The following CPNE4 variants were observed in gnomAD, a reference collection of about 807,000 sequenced individuals.
CPNE4 encodes the protein copine 4.
A neutral mutation model predicts 67.9 loss-of-function variants in CPNE4; 25 were observed. The ratio of observed to expected loss-of-function variants is 0.37; its 90% CI spans 0.27 to 0.51. CPNE4 has a LOEUF of 0.51. Among genes scored for constraint, CPNE4 ranks in the 20% least tolerant of loss-of-function variants. CPNE4 has a pLI of 0.93. For missense variants in CPNE4, 464 were observed against 690.8 expected, an observed-to-expected ratio of 0.67 and a Z score of 3.68; for synonymous variants, 242 against 244.9, an observed-to-expected ratio of 0.99 and a Z score of 0.11.
intron 1 of CPNE4, among the ~76,000 whole-genome samples, chr3:131,915,722 G>C (rs536153181): frequency 1.8e-4 from 28 of 152,176 alleles, no homozygotes; most frequent in Non-Finnish European, 3.2e-4. Context: ...TATAATTTGA[G>C]ACAACGGAGA....
At chr3:131,994,284 A>C (rs1325151005) in intron 1 of CPNE4, among the ~76,000 whole-genome samples, 1 of 136,432 alleles carries the variant, frequency 7.3e-6, no homozygotes, top group Non-Finnish European at 1.7e-5. Context: ...CAAAAGTATC[A>C]GTAAGGTGAG....
intron 1 of CPNE4, among the ~76,000 whole-genome samples, chr3:131,964,030 A>G (rs1437127641): frequency 6.6e-6 from 1 of 152,134 alleles, no homozygotes; most frequent in South Asian, 2.1e-4. Context: ...GGGAAGGAGC[A>G]GGCAGCAATC....
intron 1 of CPNE4, among the ~76,000 whole-genome samples, chr3:131,987,235 T>G (rs2073074093): frequency 6.6e-6 from 1 of 152,168 alleles, no homozygotes; most frequent in South Asian, 2.1e-4. Context: ...GTAAAACCAG[T>G]GGTTGCCTCT....
intron 7 of CPNE4, among the ~76,000 whole-genome samples, chr3:131,624,338 T>C (rs1405746524): frequency 6.6e-6 from 1 of 152,184 alleles, no homozygotes; most frequent in Non-Finnish European, 1.5e-5. Flanking sequence ...TAACTGCTGA[T>C]ATCTGGGTCT....
intron 14 of CPNE4, among the ~76,000 whole-genome samples, chr3:131,545,922 C>T (rs1257309875): frequency 1.3e-5 from 2 of 151,884 alleles, no homozygotes; most frequent in African/African-American, 4.8e-5. Context: ...ATTGGCTGGG[C>T]GTGGTGGCAC....
intron 1 of CPNE4, among the ~76,000 whole-genome samples, chr3:131,963,912 C>T (rs888442828): frequency 6.6e-6 from 1 of 152,168 alleles, no homozygotes; most frequent in Admixed American, 6.5e-5. Flanking sequence ...GTCCCTGACA[C>T]CCGTGCCTCC....
At chr3:131,970,150 T>C (rs2072463295) in intron 1 of CPNE4, among the ~76,000 whole-genome samples, 2 of 152,214 alleles carry the variant, frequency 1.3e-5, no homozygotes, top group African/African-American at 2.4e-5. Context: ...AATCAGTATA[T>C]GAGCTGCCAT....
chr3:131,966,470 A>C (rs545799842), intron 1 of CPNE4, among the ~76,000 whole-genome samples: 1 of 152,220 alleles, frequency 6.6e-6, no homozygotes, highest in African/African-American at 2.4e-5. Flanking sequence ...TAGGTAGACC[A>C]CTAGCCAGAC....
chr3:131,577,631 C>G (rs56323105), intron 9 of CPNE4, among the ~76,000 whole-genome samples: 3,790 of 152,170 alleles, frequency 0.025, 83 homozygotes, highest in African/African-American at 0.064. Context: ...AGAGAAGTTA[C>G]CATGAATGGA....
chr3:131,956,966 T>C (rs1439005891), intron 1 of CPNE4, among the ~76,000 whole-genome samples: 1 of 152,364 alleles, frequency 6.6e-6, no homozygotes, highest in East Asian at 1.9e-4. Context: ...CAAAACATGT[T>C]ATAAAATATC....
Position 131,550,051 on chromosome 3 carries a change from T to C in CPNE4, c.1198A>G (p.Ser400Gly), listed in dbSNP as rs1936086851. The C allele has an allele frequency of 6.2e-7, 1 of 1,613,016 alleles. No homozygotes were observed. The highest frequency in any genetic ancestry group is 1.3e-5 in the African/African-American group (1 of 74,836). ...TAGAGTTGGAGCTTAGGAAGACAGC[T>C]CTGATAGGCTTCCACAACTCCTTGA... ...GIQGVVEAYQ[S>G]CLPKLQLYGP... Residue 400 changes from serine to glycine, a missense_variant, in exon 14 of 16, where the codon AGC becomes GGC. Physicochemically the swap from Ser to Gly is moderately conservative, Grantham distance 56. Coordinates refer to ENST00000429747, the MANE Select transcript of CPNE4 (RefSeq NM_130808.3).
At chr3:131,549,407 C>G (rs3762430) in intron 14 of CPNE4, among the ~76,000 whole-genome samples, 23,692 of 152,042 alleles carry the variant, frequency 0.16, 1,956 homozygotes, top group African/African-American at 0.21. Flanking sequence ...AATATATTTA[C>G]TTCTAAAATA....
intron 10 of CPNE4, 109 bp from the exon 11 acceptor site, chr3:131,564,458 T>C: frequency 1.1e-6 from 1 of 931,124 alleles, no homozygotes; most frequent in Non-Finnish European, 1.6e-6. Flanking sequence ...AGTAGCACAT[T>C]ACATACCCTG....
At chr3:131,727,938 T>C (rs1377123758) in intron 2 of CPNE4, among the ~76,000 whole-genome samples, 5 of 152,234 alleles carry the variant, frequency 3.3e-5, no homozygotes, top group Non-Finnish European at 7.3e-5. Context: ...TATCCTTTTA[T>C]TGCCCCCAGT....
At chr3:131,908,550 C>G (rs1294679344) in intron 1 of CPNE4, among the ~76,000 whole-genome samples, 1 of 152,116 alleles carries the variant, frequency 6.6e-6, no homozygotes, top group African/African-American at 2.4e-5. Context: ...CTGGCCTCTC[C>G]TATCTCCAAG....
intron 2 of CPNE4, among the ~76,000 whole-genome samples, chr3:131,803,135 C>T (rs958636401): frequency 6.6e-6 from 1 of 152,168 alleles, no homozygotes; most frequent in Non-Finnish European, 1.5e-5. Context: ...TGTTTGAATT[C>T]AAATCCTGGC....
At chr3:132,039,067 T>C (rs2074376219), upstream of CPNE4, among the ~76,000 whole-genome samples, 1 of 152,234 alleles carries the variant, frequency 6.6e-6, no homozygotes, top group African/African-American at 2.4e-5. Context: ...ACATTTTAAA[T>C]GCTAAACAGT....
At chr3:131,914,592 CTTCCCAAGAGGTT>C (rs1274607280) in intron 1 of CPNE4, among the ~76,000 whole-genome samples, 2 of 152,024 alleles carry the variant, frequency 1.3e-5, no homozygotes, top group African/African-American at 2.4e-5. Context: ...CAAACACTGA[CTTCCCAAGAGGTT>C]GGGAAAAGGA....
intron 11 of CPNE4, among the ~76,000 whole-genome samples, chr3:131,558,269 A>T (rs578112343): frequency 6.6e-6 from 1 of 152,072 alleles, no homozygotes; most frequent in East Asian, 1.9e-4. Flanking sequence ...TTAAACATCC[A>T]TTATTTCTGT....
Sources: gnomAD v4.1 joint callset for allele counts (sites outside exome capture counted in the v4.1 genomes callset) on GRCh38, gnomAD v4.1.1 for gene constraint, MANE v1.5 for transcripts, NCBI Gene and HGNC (gene_info 2026-07-23, HGNC 2026-07-21) for gene names.